SMG6: variants seen among roughly 807,000 people sequenced by gnomAD.
SMG6 encodes telomerase-binding protein EST1A.
A neutral mutation model predicts 142.2 loss-of-function variants in SMG6; 66 were observed. That is an observed-to-expected ratio of 0.46 (90% confidence interval 0.38 to 0.57). The LOEUF (loss-of-function observed/expected upper bound fraction) is 0.57. SMG6 is among the 20% of genes least tolerant of loss of function. The pLI is 0.00. For missense variants in SMG6, 1,793 were observed against 1,832.0 expected, an observed-to-expected ratio of 0.98 and a Z score of 0.39; for synonymous variants, 779 against 702.4, an observed-to-expected ratio of 1.11 and a Z score of -1.72.
chr17:2,195,641 T>C (rs1383151813), intron 10 of SMG6, among the ~76,000 whole-genome samples: 1 of 152,226 alleles, frequency 6.6e-6, no homozygotes, highest in Non-Finnish European at 1.5e-5. Flanking sequence ...ATGATTCCAC[T>C]GTGGCCAGAC....
chr17:2,093,642 G>C (rs527997653), intron 13 of SMG6, among the ~76,000 whole-genome samples: 5 of 152,288 alleles, frequency 3.3e-5, no homozygotes, highest in African/African-American at 1.2e-4. Context: ...CTAGGGCCAA[G>C]GGGAGAGGCC....
chr17:2,261,322 A>T (rs1171625513), intron 8 of SMG6, among the ~76,000 whole-genome samples: 2 of 152,192 alleles, frequency 1.3e-5, no homozygotes, highest in Non-Finnish European at 2.9e-5. Flanking sequence ...TCAAAAAAAA[A>T]AAAAGGGAAG....
chr17:2,066,310 ATGTGTG>A (rs147459312), intron 16 of SMG6, among the ~76,000 whole-genome samples: 5 of 147,766 alleles, frequency 3.4e-5, no homozygotes, highest in Non-Finnish European at 7.4e-5. Flanking sequence ...GTGTACATGT[ATGTGTG>A]TGTGTACATG....
intron 13 of SMG6, among the ~76,000 whole-genome samples, chr17:2,135,996 ATGTGTG>A (rs545225787): frequency 0.12 from 17,053 of 140,992 alleles, 1,071 homozygotes; most frequent in Admixed American, 0.16. Flanking sequence ...ATATATATTT[ATGTGTG>A]TGTGTGTGTG....
chr17:2,161,411 T>A (rs2071174861), intron 13 of SMG6, among the ~76,000 whole-genome samples: 1 of 151,772 alleles, frequency 6.6e-6, no homozygotes. Context: ...GGCCTTTATT[T>A]ATTTATTTTT....
intron 13 of SMG6, among the ~76,000 whole-genome samples, chr17:2,118,285 C>G (rs139563409): frequency 6.6e-6 from 1 of 151,226 alleles, no homozygotes. Flanking sequence ...TGCCTGTAAT[C>G]CCAGCACTTT....
chr17:2,092,788 A>G (rs372622488), intron 13 of SMG6, among the ~76,000 whole-genome samples: 3 of 152,396 alleles, frequency 2.0e-5, no homozygotes, highest in African/African-American at 7.2e-5. Context: ...CCTGGGCTTC[A>G]TAGTTACACA....
Position 2,247,765 on chromosome 17 carries a change from AGAAT to A in SMG6, c.2662-3050_2662-3047del, listed in dbSNP as rs531235398. ...TCCATTGCACCCCAGCCTAGGGGAC[AGAAT>A]GAAACTGTCTCAGAGAAAAAAAGAA... On this transcript the variant is annotated intron_variant, in intron 8 of 18. Coordinates refer to ENST00000263073, the MANE Select transcript of SMG6 (RefSeq NM_017575.5). Among the ~76,000 whole-genome samples the A allele has an allele frequency of 2.8e-3, 423 of 152,214 alleles. 1 individual carries two copies. Among genetic ancestry groups the A allele is most frequent in the Non-Finnish European group, 5.0e-3 (337 of 68,024 alleles).
chr17:2,259,479 C>G (rs947813299), intron 8 of SMG6, among the ~76,000 whole-genome samples: 4 of 152,026 alleles, frequency 2.6e-5, no homozygotes, highest in Non-Finnish European at 5.9e-5. Context: ...GGAGTTTGAC[C>G]AGCCTGGGCA....
intron 10 of SMG6, among the ~76,000 whole-genome samples, chr17:2,228,908 T>C (rs1309216992): frequency 6.6e-6 from 1 of 152,140 alleles, no homozygotes; most frequent in Non-Finnish European, 1.5e-5. Flanking sequence ...TCAGATGTTT[T>C]ATACTCTCAC....
intron 10 of SMG6, chr17:2,235,771 C>CGGAAG (rs979736518): frequency 3.3e-5 from 5 of 152,560 alleles, no homozygotes; most frequent in African/African-American, 9.7e-5. Flanking sequence ...ATGAAGGGAA[C>CGGAAG]GGAAGGGAAG....
At chr17:2,247,993 C>T (rs2073961620) in intron 8 of SMG6, among the ~76,000 whole-genome samples, 1 of 152,048 alleles carries the variant, frequency 6.6e-6, no homozygotes, top group Non-Finnish European at 1.5e-5. Context: ...GTAGTCCCAG[C>T]TACTTGGGAG....
At chr17:2,113,140 C>T (rs907413433) in intron 13 of SMG6, among the ~76,000 whole-genome samples, 2 of 151,838 alleles carry the variant, frequency 1.3e-5, no homozygotes, top group African/African-American at 4.8e-5. Flanking sequence ...TTACTGCAGC[C>T]TCCATCTCCC....
At chr17:2,188,981 G>A (rs984801811) in intron 10 of SMG6, among the ~76,000 whole-genome samples, 4 of 152,066 alleles carry the variant, frequency 2.6e-5, no homozygotes, top group African/African-American at 4.8e-5. Flanking sequence ...GCCCGATCTC[G>A]TCTAAAAATG....
chr17:2,140,058 C>T (rs2070428665), intron 13 of SMG6, among the ~76,000 whole-genome samples: 2 of 149,104 alleles, frequency 1.3e-5, no homozygotes, highest in African/African-American at 5.0e-5. Context: ...TTTTTTTAAA[C>T]TGTTAAGGGG....
In SMG6 at chr17:2,187,785, A is replaced by G. The variant is rs1261523449; in HGVS notation, c.2986+614T>C. Among the ~76,000 whole-genome samples the G allele has an allele frequency of 2.0e-5, 3 of 152,018 alleles. No individual in the cohort carries two copies. In the East Asian group the frequency reaches 5.8e-4, roughly 29 times the overall value. On this transcript the variant is annotated intron_variant, in intron 11 of 18. Coordinates refer to ENST00000263073, the MANE Select transcript of SMG6 (RefSeq NM_017575.5). ...GCCTCCGAAGCTGGAGGCATTCACAAAGCTGGTGCGGCATGGGGTGACAGT... is the reference window on the plus strand; with the variant it reads ...GCCTCCGAAGCTGGAGGCATTCACAGAGCTGGTGCGGCATGGGGTGACAGT...
At chr17:2,142,569 A>G (rs1023603160) in intron 13 of SMG6, among the ~76,000 whole-genome samples, 2 of 151,928 alleles carry the variant, frequency 1.3e-5, no homozygotes, top group Admixed American at 1.3e-4. Flanking sequence ...CTCAACAATA[A>G]AAGACAACCC....
At chr17:2,098,632 TTTG>T (rs532967159) in intron 13 of SMG6, among the ~76,000 whole-genome samples, 22 of 152,238 alleles carry the variant, frequency 1.4e-4, no homozygotes, top group Non-Finnish European at 2.2e-4. Flanking sequence ...TTACATACTT[TTTG>T]TTGTTGTTGT....
intron 7 of SMG6, 67 bp from the exon 8 acceptor site, chr17:2,282,926 T>A: frequency 6.6e-7 from 1 of 1,517,278 alleles, no homozygotes; most frequent in Non-Finnish European, 9.1e-7. Flanking sequence ...ATCCCAGCAC[T>A]TAGAGATGCG....
Sources: allele counts gnomAD v4.1 joint callset (sites outside exome capture counted in the v4.1 genomes callset), GRCh38; gene constraint gnomAD v4.1.1; transcripts MANE v1.5; gene names NCBI Gene and HGNC (gene_info 2026-07-23, HGNC 2026-07-21).